The following SHANK2 variants were observed in gnomAD, a reference collection of about 807,000 sequenced individuals.
The protein encoded by SHANK2 is SH3 and multiple ankyrin repeat domains 2, also known as SH3 and multiple ankyrin repeat domains protein 2.
Under a neutral mutation model 133.7 loss-of-function variants are expected in SHANK2, and 43 were observed. The ratio of observed to expected loss-of-function variants is 0.32; its 90% CI spans 0.25 to 0.41. The LOEUF (loss-of-function observed/expected upper bound fraction) is 0.41. Ranked by LOEUF, SHANK2 falls within the 10% of genes least tolerant of loss-of-function variation. The pLI is 1.00. For missense variants in SHANK2, 1,994 were observed against 2,235.8 expected (o/e 0.89, Z 2.18); for synonymous variants, 1,017 against 952.8 (o/e 1.07, Z -1.24).
intron 14 of SHANK2, among the ~76,000 whole-genome samples, chr11:70,772,455 A>G (rs1011434497): frequency 1.2e-4 from 17 of 138,806 alleles, no homozygotes; most frequent in African/African-American, 4.0e-4. Context: ...AAAAAAAAAA[A>G]GTATATTATT....
chr11:70,928,613 G>T (rs555949624), intron 10 of SHANK2, among the ~76,000 whole-genome samples: 3 of 152,290 alleles, frequency 2.0e-5, no homozygotes, highest in South Asian at 2.1e-4. Flanking sequence ...CCCTGGGGGG[G>T]AAGAGGAAGA....
intron 23 of SHANK2, 93 bp from the exon 24 acceptor site, chr11:70,489,441 A>G (rs2058855547): frequency 5.8e-6 from 7 of 1,206,376 alleles, no homozygotes; most frequent in Non-Finnish European, 8.7e-6. Context: ...AGCTTTAAGC[A>G]CAGCAGACAC....
intron 17 of SHANK2, among the ~76,000 whole-genome samples, chr11:70,513,752 G>T (rs925071530): frequency 2.0e-5 from 3 of 152,224 alleles, no homozygotes; most frequent in African/African-American, 7.2e-5. Context: ...CTTAACATCA[G>T]CATGGATATG....
In SHANK2 at chr11:70,500,815, C is replaced by A; in HGVS notation, c.2288-225G>T. ...ACAACTCTGTCCTGTCTGCCCTGCT[C>A]GTTAACCTACTGCCTGGCAGTGGAA... On this transcript the variant is annotated intron_variant, in intron 20 of 25. Coordinates refer to ENST00000601538, the MANE Select transcript of SHANK2 (RefSeq NM_012309.5). The surrounding 1 kb of genome is among the most constrained non-coding windows in gnomAD (Gnocchi z 4.5). The A allele has an allele frequency of 1.4e-6, 1 of 722,228 alleles. No individual in the cohort carries two copies. The highest frequency in any genetic ancestry group is 2.6e-6 in the Non-Finnish European group (1 of 390,060). The allele number at this position is 722,228 out of a possible 1,614,324, so 44.7% of individuals were successfully genotyped here.
chr11:70,782,966 T>C (rs1184893381), intron 14 of SHANK2, among the ~76,000 whole-genome samples: 1 of 152,078 alleles, frequency 6.6e-6, no homozygotes, highest in African/African-American at 2.4e-5. Flanking sequence ...ATGGGGACTT[T>C]GGGGTGTGAT....
chr11:71,098,776 C>T (rs1027716832), intron 6 of SHANK2, among the ~76,000 whole-genome samples: 6 of 152,184 alleles, frequency 3.9e-5, no homozygotes, highest in Non-Finnish European at 7.3e-5. Flanking sequence ...AGACAAACTC[C>T]AAGCAATTCG....
At chr11:70,605,603 T>C (rs1170466127) in intron 17 of SHANK2, among the ~76,000 whole-genome samples, 1 of 152,226 alleles carries the variant, frequency 6.6e-6, no homozygotes, top group Non-Finnish European at 1.5e-5. Flanking sequence ...GACCGCTCAG[T>C]GAAGCTCAGA....
chr11:71,114,602 T>G (rs1361422579), intron 4 of SHANK2, among the ~76,000 whole-genome samples: 3 of 152,120 alleles, frequency 2.0e-5, no homozygotes, highest in Non-Finnish European at 4.4e-5. Context: ...GCACAGAGTT[T>G]GGGGAGAAAG....
At chr11:70,928,728 C>A (rs1950462900) in intron 10 of SHANK2, among the ~76,000 whole-genome samples, 1 of 152,074 alleles carries the variant, frequency 6.6e-6, no homozygotes, top group African/African-American at 2.4e-5. Context: ...GCAAGCCGGC[C>A]AAGATATGAG....
At chr11:70,787,846 C>T (rs1429756133) in intron 14 of SHANK2, among the ~76,000 whole-genome samples, 2 of 152,166 alleles carry the variant, frequency 1.3e-5, no homozygotes, top group Admixed American at 6.5e-5. Flanking sequence ...ATGTTTAGGT[C>T]CTGGGCCGGC....
rs948535099 is a variant in SHANK2 at position 70,698,359 on chromosome 11, C to T, written c.1853+329G>A. 6 of 384,632 alleles carry T rather than the reference C, an allele frequency of 1.6e-5. No individual in the cohort carries two copies. The Admixed American group carries it at 1.6e-4, about 10-fold the overall frequency. 23.8% of individuals were successfully genotyped at this position (384,632 alleles called of 1,614,324 possible). Reference sequence around the variant, plus strand: ...CGAAATACTCCCCCGGGGGATGCTGCTGCCCCAATACTGCCTCAAGGCTCC... The same window carrying T: ...CGAAATACTCCCCCGGGGGATGCTGTTGCCCCAATACTGCCTCAAGGCTCC... On this transcript the variant is annotated intron_variant, in intron 15 of 25. Transcript: ENST00000601538.
intron 2 of SHANK2, among the ~76,000 whole-genome samples, chr11:71,171,972 C>G (rs550529128): frequency 1.3e-5 from 2 of 152,248 alleles, no homozygotes; most frequent in East Asian, 3.9e-4. Context: ...GGTCCTGAGA[C>G]CCTGGGCCTG....
intron 2 of SHANK2, among the ~76,000 whole-genome samples, chr11:71,199,728 G>A (rs1428511350): frequency 3.3e-5 from 5 of 152,156 alleles, no homozygotes; most frequent in African/African-American, 1.2e-4. Context: ...CTGGCCGCAC[G>A]GACACCGCAC....
chr11:70,834,991 T>TG (rs1325716008), intron 11 of SHANK2, among the ~76,000 whole-genome samples: 3 of 152,234 alleles, frequency 2.0e-5, no homozygotes, highest in South Asian at 4.2e-4. Context: ...ATGGCTATTT[T>TG]GGGGGGCAGC....
chr11:70,652,445 A>G (rs1009478779), intron 17 of SHANK2, among the ~76,000 whole-genome samples: 1 of 152,198 alleles, frequency 6.6e-6, no homozygotes, highest in Non-Finnish European at 1.5e-5. Context: ...TGTTCAACTA[A>G]TAGCCACTGG....
intron 2 of SHANK2, among the ~76,000 whole-genome samples, chr11:71,223,799 C>A (rs929107701): frequency 1.2e-4 from 18 of 152,216 alleles, no homozygotes; most frequent in African/African-American, 4.3e-4. Context: ...CCAGGTACAC[C>A]CCCATCCACG....
chr11:70,491,889 T>C (rs2058891349), intron 22 of SHANK2, among the ~76,000 whole-genome samples: 1 of 152,122 alleles, frequency 6.6e-6, no homozygotes, highest in African/African-American at 2.4e-5. Flanking sequence ...ATGGCACTTC[T>C]GGCTCCGAGG....
In SHANK2 at chr11:70,502,197, G is replaced by A; in HGVS notation, c.2278+9C>T. ...GACTGTACAGGGCTGGGCCGGGTGTGCGACTTACCGAGCTCCTCCAGCTCC... is the reference window on the plus strand; with the variant it reads ...GACTGTACAGGGCTGGGCCGGGTGTACGACTTACCGAGCTCCTCCAGCTCC... On this transcript the variant is annotated intron_variant, in intron 19 of 25. Transcript: ENST00000601538. 6.4e-7 allele frequency: 1 copy of A among 1,554,408 alleles called. No individual in the cohort carries two copies. Among genetic ancestry groups the A allele is most frequent in the Non-Finnish European group, 8.7e-7 (1 of 1,148,254 alleles).
intron 9 of SHANK2, among the ~76,000 whole-genome samples, chr11:71,058,036 A>AG (rs1237058257): frequency 6.7e-6 from 1 of 150,052 alleles, no homozygotes; most frequent in Non-Finnish European, 1.5e-5. Context: ...CTGGGACTAT[A>AG]GGGATGCGCC....
Sources: gnomAD v4.1 joint callset for allele counts (sites outside exome capture counted in the v4.1 genomes callset) on GRCh38, gnomAD v4.1.1 for gene constraint, Gnocchi (gnomAD v3.1) non-coding constraint, MANE v1.5 for transcripts, NCBI Gene and HGNC (gene_info 2026-07-23, HGNC 2026-07-21) for gene names.